The following LIN9 variants were observed in gnomAD, a reference collection of about 807,000 sequenced individuals.
LIN9 encodes the protein lin-9 DREAM MuvB core complex component.
A neutral mutation model predicts 78.0 loss-of-function variants in LIN9; 18 were observed. That is an observed-to-expected ratio of 0.23 (90% CI 0.16 to 0.34). The LOEUF is 0.34. Ranked by LOEUF, LIN9 falls within the 10% of genes least tolerant of loss-of-function variation. The probability of loss-of-function intolerance (pLI) is 1.00; values close to 1 mark genes in which losing one functional copy is unlikely to be tolerated. For synonymous variants in LIN9, 192 were observed against 215.2 expected, an observed-to-expected ratio of 0.89 and a Z score of 0.94; for missense variants, 451 against 644.1, an observed-to-expected ratio of 0.70 and a Z score of 3.25.
At chr1:226,309,564 A>C (rs1178581326), upstream of LIN9, 2 of 1,182,274 alleles carry the variant, frequency 1.7e-6, no homozygotes, top group African/African-American at 3.3e-5. Flanking sequence ...GGCGGGGGGA[A>C]AGAAGCCCTC....
intron 4 of LIN9, among the ~76,000 whole-genome samples, chr1:226,289,444 C>T (rs1007164552): frequency 6.6e-6 from 1 of 152,016 alleles, no homozygotes; most frequent in African/African-American, 2.4e-5. Context: ...CTCACTACAG[C>T]CTTGACCTCC....
intron 3 of LIN9, among the ~76,000 whole-genome samples, chr1:226,296,634 C>T (rs138501244): frequency 2.3e-4 from 35 of 152,244 alleles, no homozygotes; most frequent in African/African-American, 8.2e-4. Flanking sequence ...TCAAAGCCTT[C>T]TCCCACCCCT....
chr1:226,246,288 T>A (rs1658472095), intron 11 of LIN9, among the ~76,000 whole-genome samples: 2 of 152,192 alleles, frequency 1.3e-5, no homozygotes, highest in Admixed American at 6.5e-5. Flanking sequence ...TTTCACTGGT[T>A]ATGGAAATCT....
chr1:226,309,514 C>T (rs1392737160), upstream of LIN9: 4 of 1,145,086 alleles, frequency 3.5e-6, no homozygotes, highest in Admixed American at 1.5e-4. Flanking sequence ...GCGGGAACTG[C>T]AGGCTGTTTG....
chr1:226,233,540 G>A lies in LIN9; in HGVS notation c.1246-17C>T. On this transcript the variant is annotated splice_polypyrimidine_tract_variant and intron_variant, in intron 12 of 14. Coordinates refer to ENST00000681046, the MANE Select transcript of LIN9 (RefSeq NM_001366245.2). ...TGGAGCAAGCTGAATACAGATGATT[G>A]AAGCATGAGACGCATGTTCGAGAAG... 2.5e-6 allele frequency: 4 copies of A among 1,584,442 alleles called. No homozygotes were observed. Among genetic ancestry groups the A allele is most frequent in the Non-Finnish European group, 3.4e-6 (4 of 1,164,798 alleles).
At chr1:226,243,848 A>G (rs992517415) in intron 11 of LIN9, among the ~76,000 whole-genome samples, 6 of 150,702 alleles carry the variant, frequency 4.0e-5, no homozygotes, top group African/African-American at 1.5e-4. Flanking sequence ...AAGTATATTC[A>G]TTTTACACAT....
At chr1:226,285,423 C>T (rs1012182942) in intron 6 of LIN9, among the ~76,000 whole-genome samples, 13 of 152,116 alleles carry the variant, frequency 8.5e-5, no homozygotes, top group African/African-American at 3.1e-4. Context: ...TATTTCATCA[C>T]CATCTAAAGA....
intron 8 of LIN9, among the ~76,000 whole-genome samples, chr1:226,266,599 G>C (rs1212881584): frequency 6.6e-6 from 1 of 150,800 alleles, no homozygotes; most frequent in Non-Finnish European, 1.5e-5. Context: ...AAAAGGGGGG[G>C]GGTCAAAATA....
chr1:226,302,558 A>C (rs550191550), intron 1 of LIN9, among the ~76,000 whole-genome samples: 1 of 152,036 alleles, frequency 6.6e-6, no homozygotes, highest in Non-Finnish European at 1.5e-5. Context: ...AAAAAAAAAA[A>C]AAAAACAAAC....
Position 226,286,429 on chromosome 1 carries a change from C to T in LIN9, c.428G>A (p.Cys143Tyr). The stretch of plus-strand genomic sequence containing the variant: ...AGGAAAAGATTCCTTTAGACATACA[C>T]AGAAGTCATTATCACCTTCAAAAAG... ...KPLFEGDNDF[C>Y]VCLKESFPNL... Residue 143 changes from cysteine to tyrosine, a missense_variant, in exon 6 of 15, where the codon TGT becomes TAT. By Grantham distance (194) the Cys-to-Tyr change is radical. Transcript: ENST00000681046. The T allele has an allele frequency of 1.9e-6, 3 of 1,602,110 alleles. No individual in the cohort carries two copies. Among genetic ancestry groups the T allele is most frequent in the Non-Finnish European group, 2.6e-6 (3 of 1,171,458 alleles).
At chr1:226,289,836 G>GGGGT (rs1553283379) in intron 4 of LIN9, among the ~76,000 whole-genome samples, 1 of 32,452 alleles carries the variant, frequency 3.1e-5, no homozygotes, top group African/African-American at 6.4e-5. Context: ...TAGTCCTCCG[G>GGGGT]GGGGGGGGGT....
At chr1:226,274,238 T>C (rs1660488555) in intron 7 of LIN9, among the ~76,000 whole-genome samples, 1 of 152,262 alleles carries the variant, frequency 6.6e-6, no homozygotes, top group Admixed American at 6.5e-5. Flanking sequence ...TCTGGTGCTC[T>C]ATGGTCCTTT....
chr1:226,289,599 C>G (rs1473862896), intron 4 of LIN9, among the ~76,000 whole-genome samples: 1 of 151,934 alleles, frequency 6.6e-6, no homozygotes, highest in Admixed American at 6.6e-5. Flanking sequence ...TGGGCTCAAG[C>G]GATCTTCCTG....
At chr1:226,257,116 AT>A (rs1240056253) in intron 10 of LIN9, among the ~76,000 whole-genome samples, 2 of 151,232 alleles carry the variant, frequency 1.3e-5, no homozygotes, top group African/African-American at 4.9e-5. Flanking sequence ...GGCCCGGCTA[AT>A]TTTTGTATTT....
intron 11 of LIN9, among the ~76,000 whole-genome samples, chr1:226,241,482 T>C (rs1190892925): frequency 6.6e-6 from 1 of 152,214 alleles, no homozygotes; most frequent in Non-Finnish European, 1.5e-5. Flanking sequence ...AACATTTTAA[T>C]GAATTAAAGA....
Position 226,286,403 on chromosome 1 carries a change from T to C in LIN9, c.454A>G (p.Asn152Asp). The C allele has an allele frequency of 1.1e-5, 17 of 1,611,832 alleles. No individual in the cohort carries two copies. The highest frequency in any genetic ancestry group is 1.2e-5 in the Non-Finnish European group (14 of 1,178,454). ...CTTGTTAACTTTCTTGTTTTCAAAT[T>C]AGGAAAAGATTCCTTTAGACATACA... ...FCVCLKESFP[N>D]LKTRKLTRVE... Residue 152 changes from asparagine (N) to aspartate (D), a missense_variant, in exon 6 of 15, where the codon AAT (asparagine) becomes GAT (aspartate). By Grantham distance (23) the Asn-to-Asp change is conservative. Transcript: ENST00000681046.
intron 1 of LIN9, 57 bp downstream of exon 1, chr1:226,309,052 A>C (rs1663110136): frequency 2.3e-6 from 3 of 1,299,240 alleles, no homozygotes; most frequent in Non-Finnish European, 3.0e-6. Context: ...CGGCCGGTGC[A>C]ACCGCTGGGC....
intron 2 of LIN9, among the ~76,000 whole-genome samples, chr1:226,298,630 G>A (rs1662308173): frequency 6.6e-6 from 1 of 152,220 alleles, no homozygotes. Flanking sequence ...GGAGGCCGAG[G>A]TGGGTGGATC....
chr1:226,282,204 T>C (rs557447771), intron 6 of LIN9, among the ~76,000 whole-genome samples: 11 of 152,302 alleles, frequency 7.2e-5, no homozygotes. Context: ...GGTTTTCTAT[T>C]ATATGGAGTG....
Sources: allele counts gnomAD v4.1 joint callset (sites outside exome capture counted in the v4.1 genomes callset), GRCh38; gene constraint gnomAD v4.1.1; transcripts MANE v1.5; gene names NCBI Gene and HGNC (gene_info 2026-07-23, HGNC 2026-07-21).